YAP1: variants seen among roughly 807,000 people sequenced by gnomAD.
YAP1 encodes Yes1 associated transcriptional regulator.
YAP1 carries 5 observed loss-of-function variants against 56.9 expected under a neutral mutation model. The observed-to-expected ratio is 0.09, with a 90% CI of 0.05 to 0.18. YAP1 has a LOEUF of 0.18. Among genes scored for constraint, YAP1 ranks in the 10% least tolerant of loss-of-function variants. YAP1 has a pLI of 1.00. For synonymous variants in YAP1, 265 were observed against 248.1 expected (o/e 1.07, Z -0.64); for missense variants, 539 against 651.8 (o/e 0.83, Z 1.88).
At chr11:102,176,151 C>T (rs552253877) in intron 3 of YAP1, among the ~76,000 whole-genome samples, 1 of 152,318 alleles carries the variant, frequency 6.6e-6, no homozygotes, top group Admixed American at 6.5e-5. Flanking sequence ...TCACAAACTA[C>T]TAACAAGGCA....
chr11:102,189,522 G>T, intron 4 of YAP1, among the ~76,000 whole-genome samples: 1 of 152,174 alleles, frequency 6.6e-6, no homozygotes, highest in Non-Finnish European at 1.5e-5. Flanking sequence ...TGGAGCAAGA[G>T]ATTTGGGGAA....
At chr11:102,163,876 G>A (rs1373999358) in intron 3 of YAP1, among the ~76,000 whole-genome samples, 2 of 152,110 alleles carry the variant, frequency 1.3e-5, no homozygotes, top group African/African-American at 2.4e-5. Flanking sequence ...GTTCTAAAGA[G>A]TTAAGAGTGG....
At chr11:102,128,838 A>C (rs1351581812) in intron 2 of YAP1, among the ~76,000 whole-genome samples, 1 of 152,190 alleles carries the variant, frequency 6.6e-6, no homozygotes, top group Non-Finnish European at 1.5e-5. Flanking sequence ...CAAGTTCTTC[A>C]TCTAGTTAAT....
intron 4 of YAP1, among the ~76,000 whole-genome samples, chr11:102,193,130 T>G (rs1455826697): frequency 6.6e-6 from 1 of 152,244 alleles, no homozygotes; most frequent in East Asian, 1.9e-4. Context: ...TAAGCAGATT[T>G]GAAGCCTAGT....
Position 102,114,294 on chromosome 11 carries a change from C to A in YAP1, c.472C>A (p.Gln158Lys). ...TGGCCCAGCAGCTACACCCACAGCT[C>A]AGCATCTTCGACAGTCTTCTTTTGA... ...VSGPAATPTAQHLRQSSFEIP... is the reference protein window; with the variant it reads ...VSGPAATPTAKHLRQSSFEIP... Residue 158 changes from glutamine (Q) to lysine (K), a missense_variant, in exon 2 of 9, where the codon CAG becomes AAG. Physicochemically the swap from Gln to Lys is moderately conservative, Grantham distance 53. Coordinates refer to ENST00000282441, the MANE Select transcript of YAP1 (RefSeq NM_001130145.3). 1 of 1,614,176 alleles carries A rather than the reference C, an allele frequency of 6.2e-7. No individual in the cohort carries two copies. Among genetic ancestry groups the A allele is most frequent in the Non-Finnish European group, 8.5e-7 (1 of 1,180,034 alleles).
In YAP1 at chr11:102,110,660, G is replaced by A. The variant is rs1194136070; in HGVS notation, c.-189G>A. ...CCAGACCAGTGGAGCCGGGGCGCAGGGCGGGGGCGGAGGCGCCGGGGCGGG... is the reference window on the plus strand; with the variant it reads ...CCAGACCAGTGGAGCCGGGGCGCAGAGCGGGGGCGGAGGCGCCGGGGCGGG... On this transcript the variant is annotated 5_prime_UTR_variant, in exon 1 of 9. Coordinates refer to ENST00000282441, the MANE Select transcript of YAP1 (RefSeq NM_001130145.3). 2 of 347,210 alleles carry A rather than the reference G, an allele frequency of 5.8e-6. No individual in the cohort carries two copies. Among genetic ancestry groups the A allele is most frequent in the Admixed American group, 5.4e-5 (1 of 18,668 alleles). 21.5% of individuals were successfully genotyped at this position (347,210 alleles called of 1,614,324 possible).
chr11:102,130,715 C>T (rs1944323627), intron 2 of YAP1, among the ~76,000 whole-genome samples: 1 of 127,512 alleles, frequency 7.8e-6, no homozygotes, highest in Admixed American at 8.4e-5. Flanking sequence ...TCCTGGATAA[C>T]TACTCTTTTT....
intron 4 of YAP1, among the ~76,000 whole-genome samples, chr11:102,198,874 A>G (rs774488536): frequency 9.2e-5 from 14 of 152,154 alleles, no homozygotes; most frequent in Non-Finnish European, 1.9e-4. Context: ...ATCCTCTTAT[A>G]TCGTTGGCTC....
chr11:102,218,420 A>G (rs1949764536), intron 6 of YAP1, among the ~76,000 whole-genome samples: 1 of 152,214 alleles, frequency 6.6e-6, no homozygotes, highest in Admixed American at 6.5e-5. Context: ...GTCATTCTGT[A>G]TTGGGAATAA....
intron 7 of YAP1, among the ~76,000 whole-genome samples, chr11:102,225,024 A>G (rs563735690): frequency 1.1e-4 from 17 of 152,270 alleles, no homozygotes; most frequent in Non-Finnish European, 2.4e-4. Context: ...AAAACTTTTG[A>G]TGAGAGCTGG....
intron 4 of YAP1, 45 bp downstream of exon 4, chr11:102,186,176 AT>A: frequency 1.3e-5 from 20 of 1,588,148 alleles, no homozygotes; most frequent in Middle Eastern, 1.7e-4. Flanking sequence ...TTGGTTGCTA[AT>A]TTTTTTTGTA....
At chr11:102,188,836 C>T (rs562545452) in intron 4 of YAP1, among the ~76,000 whole-genome samples, 29 of 152,284 alleles carry the variant, frequency 1.9e-4, no homozygotes, top group African/African-American at 6.3e-4. Flanking sequence ...AGTATCAATC[C>T]TTCACATCTC....
intron 2 of YAP1, among the ~76,000 whole-genome samples, chr11:102,146,844 G>A (rs944129568): frequency 7.2e-5 from 11 of 152,230 alleles, no homozygotes; most frequent in African/African-American, 2.2e-4. Context: ...CTTCCAGCAC[G>A]ACAACTAATA....
intron 4 of YAP1, chr11:102,186,433 G>GTT (rs879806527): frequency 5.9e-4 from 147 of 250,910 alleles, no homozygotes; most frequent in East Asian, 1.2e-3. Context: ...TTTTTAAAAT[G>GTT]TTTTTTTTTT....
At chr11:102,152,313 G>A (rs1024851491) in intron 2 of YAP1, among the ~76,000 whole-genome samples, 1 of 152,168 alleles carries the variant, frequency 6.6e-6, no homozygotes. Context: ...AACCTCTGAG[G>A]CATTGACCTG....
intron 4 of YAP1, among the ~76,000 whole-genome samples, chr11:102,191,088 G>A (rs1024770825): frequency 6.6e-5 from 10 of 151,432 alleles, no homozygotes; most frequent in African/African-American, 1.2e-4. Context: ...CAGGAGAATC[G>A]CTTGAACCTG....
intron 2 of YAP1, among the ~76,000 whole-genome samples, chr11:102,131,254 TC>T (rs1379560719): frequency 4.6e-5 from 7 of 152,240 alleles, no homozygotes. Flanking sequence ...ATGTTGCTCT[TC>T]CTGCCATTCT....
At chr11:102,185,747 C>T (rs141921912) in intron 3 of YAP1, among the ~76,000 whole-genome samples, 83 of 152,014 alleles carry the variant, frequency 5.5e-4, no homozygotes, top group African/African-American at 1.9e-3. Flanking sequence ...ATTATTTGGG[C>T]CATGACTTCC....
chr11:102,137,090 T>A (rs765490437), intron 2 of YAP1, among the ~76,000 whole-genome samples: 24 of 152,200 alleles, frequency 1.6e-4, no homozygotes, highest in African/African-American at 5.3e-4. Context: ...TCTATGACAA[T>A]GGTAAAAACA....
Sources: gnomAD v4.1 joint callset for allele counts (sites outside exome capture counted in the v4.1 genomes callset) on GRCh38, gnomAD v4.1.1 for gene constraint, MANE v1.5 for transcripts, NCBI Gene and HGNC (gene_info 2026-07-23, HGNC 2026-07-21) for gene names.